KCNC2: variants seen among roughly 807,000 people sequenced by gnomAD.
KCNC2 encodes potassium voltage-gated channel subfamily C member 2, also known as voltage-gated potassium channel KCNC2.
Under a neutral mutation model 44.5 loss-of-function variants are expected in KCNC2, and 21 were observed. The observed-to-expected ratio is 0.47, with a 90% CI of 0.33 to 0.68. KCNC2 has a LOEUF of 0.68. Ranked by LOEUF, KCNC2 falls within the 30% of genes least tolerant of loss-of-function variation. The pLI, the probability that KCNC2 is intolerant of heterozygous loss-of-function variation, is 0.01. For synonymous variants in KCNC2, 391 were observed against 339.1 expected (o/e 1.15, Z -1.68); for missense variants, 589 against 826.2 (o/e 0.71, Z 3.52).
In KCNC2 at chr12:75,183,784, A is replaced by G. The variant is rs545419852; in HGVS notation, c.687+23513T>C. On this transcript the variant is annotated intron_variant, in intron 2 of 4. Transcript: ENST00000549446. ...ACCCTAGAATATGAAAATAAAATTG[A>G]AGAATGTTCATGTCTTAGAATATCG... 3.3e-5 allele frequency among the ~76,000 whole-genome samples: 5 copies of G among 152,336 alleles called. No homozygotes were observed. In the South Asian group the frequency reaches 1.0e-3, roughly 32 times the overall value.
chr12:75,108,721 T>C (rs1407950875), intron 2 of KCNC2, among the ~76,000 whole-genome samples: 1 of 152,162 alleles, frequency 6.6e-6, no homozygotes, highest in Admixed American at 6.5e-5. Flanking sequence ...CTAAACCAAA[T>C]AGGAAAATAT....
chr12:75,165,800 A>G (rs978232255), intron 2 of KCNC2, among the ~76,000 whole-genome samples: 1 of 151,514 alleles, frequency 6.6e-6, no homozygotes, highest in Non-Finnish European at 1.5e-5. Flanking sequence ...TGTTTCATCT[A>G]TAACAACATA....
At chr12:75,170,060 T>C (rs977629095) in intron 2 of KCNC2, among the ~76,000 whole-genome samples, 1 of 151,678 alleles carries the variant, frequency 6.6e-6, no homozygotes, top group African/African-American at 2.4e-5. Context: ...GAAAAACAAG[T>C]TCCAGACCAT....
intron 2 of KCNC2, among the ~76,000 whole-genome samples, chr12:75,068,192 G>A (rs1239134316): frequency 6.6e-6 from 1 of 152,156 alleles, no homozygotes. Context: ...AGTCCAAATT[G>A]GGAATGGCCA....
At chr12:75,078,203 T>C (rs181393532) in intron 2 of KCNC2, among the ~76,000 whole-genome samples, 1 of 152,206 alleles carries the variant, frequency 6.6e-6, no homozygotes, top group Admixed American at 6.5e-5. Flanking sequence ...AAGGTCCAAA[T>C]GAAAACTGAA....
intron 2 of KCNC2, among the ~76,000 whole-genome samples, chr12:75,183,113 CT>C (rs765373331): frequency 1.3e-5 from 2 of 152,186 alleles, no homozygotes; most frequent in Admixed American, 6.5e-5. Flanking sequence ...AAAGGTTATC[CT>C]TTTCAGGAAA....
At chr12:75,105,809 G>A (rs1036796505) in intron 2 of KCNC2, among the ~76,000 whole-genome samples, 1 of 151,990 alleles carries the variant, frequency 6.6e-6, no homozygotes, top group African/African-American at 2.4e-5. Context: ...AGTTTGAAAT[G>A]GTAGCTATAA....
chr12:75,144,789 G>T (rs1460404129), intron 2 of KCNC2, among the ~76,000 whole-genome samples: 2 of 152,030 alleles, frequency 1.3e-5, no homozygotes, highest in African/African-American at 4.8e-5. Context: ...TCCAGTTGGT[G>T]TTCAAATTGT....
chr12:75,066,176 T>C (rs1592790816), intron 2 of KCNC2, among the ~76,000 whole-genome samples: 2 of 152,150 alleles, frequency 1.3e-5, no homozygotes, highest in East Asian at 1.9e-4. Flanking sequence ...TTTTTTATAA[T>C]TATCCAATGT....
At chr12:75,138,756 A>G (rs981197366) in intron 2 of KCNC2, among the ~76,000 whole-genome samples, 1 of 152,032 alleles carries the variant, frequency 6.6e-6, no homozygotes, top group Non-Finnish European at 1.5e-5. Context: ...CGAGGCGGTC[A>G]GATCACGAGG....
intron 2 of KCNC2, among the ~76,000 whole-genome samples, chr12:75,195,109 GGACA>G (rs1348413769): frequency 6.6e-6 from 1 of 152,000 alleles, no homozygotes; most frequent in Admixed American, 6.6e-5. Context: ...TTTCTACATG[GGACA>G]GGCAGTTCTG....
chr12:75,116,944 C>T (rs531123624), intron 2 of KCNC2, among the ~76,000 whole-genome samples: 18 of 152,284 alleles, frequency 1.2e-4, no homozygotes, highest in African/African-American at 3.6e-4. Context: ...CTATCATTTC[C>T]AGTCTAGCAT....
At chr12:75,053,771 AAAT>A (rs1881442345) in intron 2 of KCNC2, among the ~76,000 whole-genome samples, 1 of 147,590 alleles carries the variant, frequency 6.8e-6, no homozygotes, top group East Asian at 1.9e-4. Context: ...TTATATAATT[AAAT>A]AATTATTTTT....
At chr12:75,148,643 A>G (rs964686821) in intron 2 of KCNC2, among the ~76,000 whole-genome samples, 17 of 152,050 alleles carry the variant, frequency 1.1e-4, no homozygotes, top group Non-Finnish European at 2.5e-4. Flanking sequence ...TAGGTAAAAT[A>G]AAATTACATT....
intron 2 of KCNC2, among the ~76,000 whole-genome samples, chr12:75,099,709 A>C (rs1177619669): frequency 2.0e-5 from 3 of 152,198 alleles, no homozygotes; most frequent in Non-Finnish European, 4.4e-5. Flanking sequence ...TCCTCATTTT[A>C]ACCTCAAGTC....
At chr12:75,057,854 A>G (rs1012615336) in intron 2 of KCNC2, among the ~76,000 whole-genome samples, 3 of 151,776 alleles carry the variant, frequency 2.0e-5, no homozygotes, top group African/African-American at 4.8e-5. Context: ...CCTGATAAAT[A>G]TCTTCTACCA....
At chr12:75,089,967 A>G (rs1885334636) in intron 2 of KCNC2, among the ~76,000 whole-genome samples, 1 of 151,830 alleles carries the variant, frequency 6.6e-6, no homozygotes, top group Non-Finnish European at 1.5e-5. Flanking sequence ...AGTGGAAGCT[A>G]TTTCCAGCTT....
At chr12:75,059,226 T>G (rs1305527988) in intron 2 of KCNC2, among the ~76,000 whole-genome samples, 2 of 152,122 alleles carry the variant, frequency 1.3e-5, no homozygotes, top group African/African-American at 4.8e-5. Context: ...AAAATGAACT[T>G]TAGTGTTGCA....
intron 2 of KCNC2, among the ~76,000 whole-genome samples, chr12:75,074,992 A>C (rs886280644): frequency 6.6e-5 from 10 of 152,224 alleles, no homozygotes; most frequent in Admixed American, 2.0e-4. Context: ...TGGAAAAGGG[A>C]CAGAAATATG....
Sources: allele counts gnomAD v4.1 joint callset (sites outside exome capture counted in the v4.1 genomes callset), GRCh38; gene constraint gnomAD v4.1.1; transcripts MANE v1.5; gene names NCBI Gene and HGNC (gene_info 2026-07-23, HGNC 2026-07-21).